The following TNRC6B variants were observed in gnomAD, a reference collection of about 807,000 sequenced individuals.
TNRC6B encodes the protein trinucleotide repeat containing adaptor 6B.
Under a neutral mutation model 203.6 loss-of-function variants are expected in TNRC6B, and 52 were observed. That is an observed-to-expected ratio of 0.26 (90% CI 0.20 to 0.32). The LOEUF (loss-of-function observed/expected upper bound fraction) is 0.32, where lower values mean the gene tolerates loss of function less well. Ranked by LOEUF, TNRC6B falls within the 10% of genes least tolerant of loss-of-function variation. The pLI, the probability that TNRC6B is intolerant of heterozygous loss-of-function variation, is 1.00. For synonymous variants in TNRC6B, 838 were observed against 845.7 expected, an observed-to-expected ratio of 0.99 and a Z score of 0.16; for missense variants, 1,923 against 2,286.2, an observed-to-expected ratio of 0.84 and a Z score of 3.24.
intron 1 of TNRC6B, among the ~76,000 whole-genome samples, chr22:40,073,685 A>C (rs1254661325): frequency 6.6e-6 from 1 of 152,120 alleles, no homozygotes; most frequent in African/African-American, 2.4e-5. Flanking sequence ...AGGCTGAGGC[A>C]GGTGGATCTC....
intron 4 of TNRC6B, among the ~76,000 whole-genome samples, chr22:40,156,810 A>G: frequency 7.1e-6 from 1 of 141,114 alleles, no homozygotes; most frequent in Admixed American, 7.4e-5. Context: ...CCCAGGCTGG[A>G]GTGCAGTGGT....
intron 15 of TNRC6B, among the ~76,000 whole-genome samples, chr22:40,307,831 C>T (rs2071110253): frequency 6.6e-6 from 1 of 152,132 alleles, no homozygotes; most frequent in Non-Finnish European, 1.5e-5. Flanking sequence ...ACTAGTTATC[C>T]TCTTACATGC....
chr22:40,265,651 A>G lies in TNRC6B; in HGVS notation c.1421A>G (p.Asp474Gly). ...KSTGSKNDSW[D>G]NNNRSTGGSW... ...ACTGGGTCAAAAAATGACTCTTGGG[A>G]CAACAATAACAGGTCTACGGGTGGG... Residue 474 changes from aspartate (D) to glycine (G), a missense_variant, in exon 5 of 23, where the codon GAC (aspartate) becomes GGC (glycine). Around this residue, in one of 8 missense-constraint regions of TNRC6B, gnomAD observed 614 missense variants for 587.7 expected, o/e 1.04. Transcript: ENST00000454349. The G allele has an allele frequency of 6.2e-7, 1 of 1,613,934 alleles. No individual in the cohort carries two copies. The highest frequency in any genetic ancestry group is 1.1e-5 in the South Asian group (1 of 91,068).
chr22:40,274,172 C>A (rs1041811087), intron 7 of TNRC6B, among the ~76,000 whole-genome samples: 5 of 152,046 alleles, frequency 3.3e-5, no homozygotes, highest in Admixed American at 2.6e-4. Flanking sequence ...TTATAATAAT[C>A]TTTTGGAGGC....
chr22:40,224,083 T>C (rs1414485811), intron 1 of TNRC6B, among the ~76,000 whole-genome samples: 1 of 152,176 alleles, frequency 6.6e-6, no homozygotes, highest in East Asian at 1.9e-4. Flanking sequence ...CTCAGCTTAC[T>C]GCAGCCTCCA....
intron 1 of TNRC6B, among the ~76,000 whole-genome samples, chr22:40,227,771 A>T (rs917209252): frequency 1.1e-4 from 16 of 152,198 alleles, no homozygotes; most frequent in African/African-American, 3.9e-4. Flanking sequence ...ACTGTGTCGA[A>T]CCATATGTGG....
chr22:40,183,182 T>C (rs2069157476), intron 1 of TNRC6B, among the ~76,000 whole-genome samples: 1 of 152,132 alleles, frequency 6.6e-6, no homozygotes, highest in South Asian at 2.1e-4. Context: ...GGATAATATA[T>C]TGTTGCGACG....
Position 40,325,495 on chromosome 22 carries a change from T to C in TNRC6B, c.*2254T>C, listed in dbSNP as rs990395499. 1.2e-4 allele frequency: 18 copies of C among 152,414 alleles called. No individual in the cohort carries two copies. Among genetic ancestry groups the C allele is most frequent in the African/African-American group, 4.1e-4 (17 of 41,426 alleles). The allele number at this position is 152,414 out of a possible 1,614,324, so 9.4% of individuals were successfully genotyped here. On this transcript the variant is annotated 3_prime_UTR_variant, in exon 23 of 23. Coordinates refer to ENST00000454349, the MANE Select transcript of TNRC6B (RefSeq NM_001162501.2). ...CCTGCATGAGCCCTCTGTGGGTAGG[T>C]GGTCACACTTGGCATCTGCAGCATT...
chr22:40,322,211 G>A (rs907787448), intron 22 of TNRC6B, among the ~76,000 whole-genome samples: 1 of 152,078 alleles, frequency 6.6e-6, no homozygotes, highest in African/African-American at 2.4e-5. Flanking sequence ...TATTTATTTT[G>A]TTTTAGAGCA....
In TNRC6B at chr22:40,315,452, C is replaced by T. The variant is rs2071244680; in HGVS notation, c.4848C>T (p.Ser1616=). The T allele has an allele frequency of 8.1e-6, 13 of 1,613,926 alleles. No homozygotes were observed. Among genetic ancestry groups the T allele is most frequent in the Non-Finnish European group, 1.1e-5 (13 of 1,179,906 alleles). The change falls in exon 20 of 23, where the codon AGC becomes AGT. Residue 1616 remains serine, a synonymous_variant. Coordinates refer to ENST00000454349, the MANE Select transcript of TNRC6B (RefSeq NM_001162501.2). Reference sequence around the variant, plus strand: ...CCAAACCATCATCTCCCTGGAGCAGCACAGCACCCCGATCAGTCAGGGGGT... The same window carrying T: ...CCAAACCATCATCTCCCTGGAGCAGTACAGCACCCCGATCAGTCAGGGGGT... ...TNPKPSSPWS[S]TAPRSVRGWG...
At chr22:40,104,556 A>T (rs939635726) in intron 1 of TNRC6B, among the ~76,000 whole-genome samples, 4 of 152,198 alleles carry the variant, frequency 2.6e-5, no homozygotes, top group African/African-American at 9.7e-5. Context: ...ACTGTGCAAG[A>T]TGGTGGAGGA....
intron 3 of TNRC6B, among the ~76,000 whole-genome samples, chr22:40,136,125 G>T (rs1185551008): frequency 3.3e-5 from 5 of 152,056 alleles, no homozygotes; most frequent in Non-Finnish European, 2.9e-5. Flanking sequence ...TTTCTTTATG[G>T]TTCTTAACAA....
rs743897 is a variant in TNRC6B, at chr22:40,275,486, A to T, written c.3142-1591A>T. Among the ~76,000 whole-genome samples the T allele has an allele frequency of 1.2e-3, 178 of 152,290 alleles. 2 individuals carry two copies. The East Asian group carries it at 0.029, about 25-fold the overall frequency. On this transcript the variant is annotated intron_variant, in intron 7 of 22. Coordinates refer to ENST00000454349, the MANE Select transcript of TNRC6B (RefSeq NM_001162501.2). ...ATAAAATACATATAACATATAATTT[A>T]CCATAGCGTACATTTTTAAGTGTAC...
At chr22:40,076,942 T>C (rs990929383) in intron 1 of TNRC6B, among the ~76,000 whole-genome samples, 6 of 151,566 alleles carry the variant, frequency 4.0e-5, no homozygotes, top group Non-Finnish European at 7.4e-5. Context: ...GGAGGATTGC[T>C]TCAGCCCAGG....
At chr22:40,113,235 G>A (rs1275395901) in intron 1 of TNRC6B, among the ~76,000 whole-genome samples, 4 of 152,218 alleles carry the variant, frequency 2.6e-5, no homozygotes, top group East Asian at 1.9e-4. Context: ...CTTCCAAAGC[G>A]TTGAAGTGAA....
chr22:40,267,981 A>G (rs2070504253), intron 5 of TNRC6B, among the ~76,000 whole-genome samples: 1 of 152,222 alleles, frequency 6.6e-6, no homozygotes, highest in Non-Finnish European at 1.5e-5. Context: ...TGGTAATGCC[A>G]TTCTTAGTTT....
In TNRC6B at chr22:40,089,010, G is replaced by T. The variant is rs370643840; in HGVS notation, c.-120-28045G>T. ...AACAAACAGTAGCAACAACAACAAA[G>T]TCCTTCAACTGTACTCATGTGGAAC... On this transcript the variant is annotated intron_variant, in intron 1 of 23. Transcript: ENST00000301923. 1.2e-4 allele frequency among the ~76,000 whole-genome samples: 19 copies of T among 152,136 alleles called. 2 individuals are homozygous for T. Among genetic ancestry groups the T allele is most frequent in the Admixed American group, 9.8e-4 (15 of 15,278 alleles).
intron 1 of TNRC6B, among the ~76,000 whole-genome samples, chr22:40,078,141 T>TA (rs2068034620): frequency 6.6e-6 from 1 of 152,256 alleles, no homozygotes; most frequent in Non-Finnish European, 1.5e-5. Context: ...AAAGTTTAGA[T>TA]ACAGTAGTGG....
Position 40,308,606 on chromosome 22 carries a change from G to A in TNRC6B, c.4215G>A (p.Gly1405=), listed in dbSNP as rs1426315959. 6.2e-7 allele frequency: 1 copy of A among 1,614,002 alleles called. No individual in the cohort carries two copies. Among genetic ancestry groups the A allele is most frequent in the Admixed American group, 1.7e-5 (1 of 60,032 alleles). ...RFKQWTSMME[G]LPSVATQEAN... Reference sequence around the variant, plus strand: ...AACAGTGGACCTCCATGATGGAGGGGCTGCCCTCTGTAGCCACACAGGAAG... The same window carrying A: ...AACAGTGGACCTCCATGATGGAGGGACTGCCCTCTGTAGCCACACAGGAAG... Residue 1405 remains glycine, a synonymous_variant, in exon 16 of 23, where the codon GGG becomes GGA. Coordinates refer to ENST00000454349, the MANE Select transcript of TNRC6B (RefSeq NM_001162501.2).
Sources: gnomAD v4.1 joint callset for allele counts (sites outside exome capture counted in the v4.1 genomes callset) on GRCh38, gnomAD v4.1.1 for gene constraint, gnomAD v4.1.1 regional missense constraint, MANE v1.5 for transcripts, NCBI Gene and HGNC (gene_info 2026-07-23, HGNC 2026-07-21) for gene names.